Variants in TECPR1 observed in about 807,000 individuals in gnomAD.
TECPR1 encodes the protein tectonin beta-propeller repeat containing 1.
TECPR1 carries 122 observed loss-of-function variants against 162.4 expected under a neutral mutation model. That is an observed-to-expected ratio of 0.75 (90% confidence interval 0.65 to 0.87). TECPR1 has a LOEUF of 0.87. Among genes scored for constraint, TECPR1 ranks in the 40% least tolerant of loss-of-function variants. The pLI is 0.00. For missense variants in TECPR1, 1,432 were observed against 1,618.2 expected, an observed-to-expected ratio of 0.88 and a Z score of 1.97; for synonymous variants, 642 against 670.6, an observed-to-expected ratio of 0.96 and a Z score of 0.66.
At position 98,225,089 on chromosome 7, in the gene TECPR1, C is replaced by G; in HGVS notation, c.2527G>C (p.Asp843His). ...GAGGCATCGCTCCACATGTACCGGT[C>G]CGTGGGCAGACCCCTGCGGCAGGAC... ...TGYTSRGLPTDRYMWSDASGL... is the reference protein window; with the variant it reads ...TGYTSRGLPTHRYMWSDASGL... The change falls in exon 18 of 26, where the codon GAC (aspartate) becomes CAC (histidine). Residue 843 changes from aspartate (D) to histidine (H), a missense_variant. Asp to His is a moderately conservative substitution (Grantham distance 81). Transcript: ENST00000447648. 6.4e-7 allele frequency: 1 copy of G among 1,568,990 alleles called. No individual in the cohort carries two copies. The highest frequency in any genetic ancestry group is 8.6e-7 in the Non-Finnish European group (1 of 1,159,106).
chr7:98,245,779 A>G (rs1391935400), intron 3 of TECPR1, 143 bp downstream of exon 3: 2 of 797,230 alleles, frequency 2.5e-6, no homozygotes, highest in Non-Finnish European at 2.0e-6. Flanking sequence ...TGGCAGCAAC[A>G]CAGATTTTAA....
At position 98,223,663 on chromosome 7, in the gene TECPR1, T is replaced by C. The variant is rs959668330; in HGVS notation, c.2746A>G (p.Arg916Gly). The change falls in exon 20 of 26, where the codon AGA becomes GGA. Residue 916 changes from arginine (R) to glycine (G), a missense_variant and splice_region_variant. Transcript: ENST00000447648. ...KDFVRRRCWARKCKLVTSGPW... is the reference protein window; with the variant it reads ...KDFVRRRCWAGKCKLVTSGPW... ...AGTCACCCTGCAGCCCTGCCTCACC[T>C]GGCCCAGCACCTCCTCCTCACAAAA... The C allele has an allele frequency of 1.2e-6, 2 of 1,613,664 alleles. No homozygotes were observed. The highest frequency in any genetic ancestry group is 1.7e-6 in the Non-Finnish European group (2 of 1,179,758).
At chr7:98,234,738 T>C (rs1171594806) in intron 10 of TECPR1, among the ~76,000 whole-genome samples, 2 of 137,070 alleles carry the variant, frequency 1.5e-5, no homozygotes, top group Non-Finnish European at 3.1e-5. Context: ...TGAGATAGAG[T>C]CTTTCTCTGT....
At chr7:98,218,163 G>GGAGGCAGGAGGGTCCTGGCCCCT in intron 23 of TECPR1, 121 bp from the exon 24 acceptor site, 1 of 746,312 alleles carries the variant, frequency 1.3e-6, no homozygotes, top group East Asian at 2.7e-5. Flanking sequence ...AAGCTGCTGG[G>GGAGGCAGGAGGGTCCTGGCCCCT]GAGGCAGGAG....
chr7:98,233,734 G>T lies in TECPR1; in HGVS notation c.1359C>A (p.Thr453=), dbSNP rs780961006. The change falls in exon 11 of 26, where the codon ACC becomes ACA. Residue 453 remains threonine (T), a synonymous_variant. Coordinates refer to ENST00000447648, the MANE Select transcript of TECPR1 (RefSeq NM_015395.3). Reference sequence around the variant, plus strand: ...AGGCATCTTCCACGGTATCTTCTGCGGTCCTGCCAGCCCCCAGGCCTGAGG... The same window carrying T: ...AGGCATCTTCCACGGTATCTTCTGCTGTCCTGCCAGCCCCCAGGCCTGAGG... The part of the protein sequence containing the change: ...NSASGLGAGR[T]AEDTVEDACP... 2 of 1,612,324 alleles carry T rather than the reference G, an allele frequency of 1.2e-6. No homozygotes were observed. Among genetic ancestry groups the T allele is most frequent in the African/African-American group, 2.7e-5 (2 of 74,854 alleles).
chr7:98,245,678 T>G (rs984668677), intron 3 of TECPR1, among the ~76,000 whole-genome samples: 1 of 152,144 alleles, frequency 6.6e-6, no homozygotes, highest in Non-Finnish European at 1.5e-5. Context: ...TTCACCATGA[T>G]GCCTAGGCTG....
At position 98,228,020 on chromosome 7, in the gene TECPR1, G is replaced by T. The variant is rs764899769; in HGVS notation, c.2507C>A (p.Thr836Asn). Residue 836 changes from threonine to asparagine, a missense_variant, in exon 17 of 26, where the codon ACC becomes AAC. By Grantham distance (65) the Thr-to-Asn change is moderately conservative. Transcript: ENST00000447648. ...GGGCACCTGTGCCACTTACCTGCTGGTGTAGCCTGTGACGGGGTTCCAGCG... is the reference window on the plus strand; with the variant it reads ...GGGCACCTGTGCCACTTACCTGCTGTTGTAGCCTGTGACGGGGTTCCAGCG... ...NQRWNPVTGY[T>N]SRGLPTDRYM... is the part of the protein sequence containing the mutation. The T allele has an allele frequency of 6.2e-7, 1 of 1,611,890 alleles. No individual in the cohort carries two copies. Among genetic ancestry groups the T allele is most frequent in the Admixed American group, 1.7e-5 (1 of 59,778 alleles).
chr7:98,249,042 C>A (rs1033462137), intron 2 of TECPR1, among the ~76,000 whole-genome samples: 1 of 151,986 alleles, frequency 6.6e-6, no homozygotes, highest in African/African-American at 2.4e-5. Context: ...ACCTGCACCA[C>A]CACATCTGGC....
chr7:98,221,298 A>G (rs1011917296), intron 23 of TECPR1, among the ~76,000 whole-genome samples: 6 of 152,228 alleles, frequency 3.9e-5, no homozygotes, highest in Admixed American at 3.3e-4. Context: ...GCGAAACTCC[A>G]TCTCAAAGAA....
In TECPR1 at chr7:98,232,031, G is replaced by C. The variant is rs1309326399; in HGVS notation, c.1819-72C>G. On this transcript the variant is annotated intron_variant, in intron 12 of 25. Coordinates refer to ENST00000447648, the MANE Select transcript of TECPR1 (RefSeq NM_015395.3). This position sits in a 1 kb window ranked among gnomAD's most constrained non-coding sequence, Gnocchi z 4.6. ...GCCAGGGGAGGAGGGCGGGGCTGGG[G>C]GTGCCCAGAGGAGGAGGCAGGGCTG... 3.3e-6 allele frequency: 5 copies of C among 1,502,714 alleles called. No homozygotes were observed. The East Asian group carries it at 1.2e-4, about 37-fold the overall frequency. The allele number at this position is 1,502,714 out of a possible 1,614,324, so 93.1% of individuals were successfully genotyped here. A position where few individuals can be genotyped will look rare whatever the true frequency, so the allele number is the denominator to read the frequency against.
intron 4 of TECPR1, 87 bp downstream of exon 4, chr7:98,244,798 C>A (rs1463796296): frequency 6.3e-7 from 1 of 1,585,692 alleles, no homozygotes; most frequent in African/African-American, 1.3e-5. Context: ...AGCTCAGGCA[C>A]CACAGGGTGC....
At chr7:98,240,617 G>A (rs1798718945) in intron 8 of TECPR1, among the ~76,000 whole-genome samples, 1 of 152,066 alleles carries the variant, frequency 6.6e-6, no homozygotes, top group African/African-American at 2.4e-5. Flanking sequence ...GTTTCACCAT[G>A]TTGGCCAGGC....
chr7:98,231,147 G>A, intron 14 of TECPR1, 29 bp from the exon 15 acceptor site: 4 of 1,604,322 alleles, frequency 2.5e-6, no homozygotes, highest in Admixed American at 1.7e-5. Context: ...GGTCACTGCT[G>A]AGCAGGCCAG....
chr7:98,217,594 C>G (rs905133823), intron 25 of TECPR1, 91 bp from the exon 26 acceptor site: 1 of 1,532,390 alleles, frequency 6.5e-7, no homozygotes, highest in East Asian at 2.5e-5. Flanking sequence ...ACCCAGACAC[C>G]GGGTCCCAGG....
Position 98,241,711 on chromosome 7 carries a change from G to C in TECPR1, c.658-467C>G, listed in dbSNP as rs1200308142. 6.6e-6 allele frequency among the ~76,000 whole-genome samples: 1 copy of C among 152,144 alleles called. No individual in the cohort carries two copies. The highest frequency in any genetic ancestry group is 1.9e-4 in the East Asian group (1 of 5,192). ...TGAACTGTTTGGCTCATTTTAGCTG[G>C]GGGAGACTACATGTCACTTCGTGAT... On this transcript the variant is annotated intron_variant, in intron 6 of 25. Transcript: ENST00000447648. The surrounding 1 kb of genome is among the most constrained non-coding windows in gnomAD (Gnocchi z 5.0).
chr7:98,225,584 C>T (rs1412113248), intron 17 of TECPR1, among the ~76,000 whole-genome samples: 2 of 151,972 alleles, frequency 1.3e-5, no homozygotes, highest in Non-Finnish European at 2.9e-5. Flanking sequence ...TGGACACAGA[C>T]ACATGCATAG....
At chr7:98,224,715 GA>G in intron 19 of TECPR1, 85 bp downstream of exon 19, 1 of 1,315,878 alleles carries the variant, frequency 7.6e-7, no homozygotes, top group Non-Finnish European at 1.1e-6. Flanking sequence ...GTTCAGCCTG[GA>G]AGAGCAGTGA....
intron 16 of TECPR1, 25 bp downstream of exon 16, chr7:98,229,014 C>T (rs781674062): frequency 9.2e-5 from 147 of 1,595,128 alleles, no homozygotes; most frequent in Middle Eastern, 4.1e-4. Flanking sequence ...AGGAAGGCTC[C>T]GGGGGGGCTG....
In TECPR1 at chr7:98,251,434, C is replaced by G. The variant is rs1417063302; in HGVS notation, c.-60G>C. 2.0e-5 allele frequency: 3 copies of G among 152,224 alleles called. No homozygotes were observed. The allele number at this position is 152,224 out of a possible 1,614,324, so 9.4% of individuals were successfully genotyped here. On this transcript the variant is annotated 5_prime_UTR_variant, in exon 2 of 26. Coordinates refer to ENST00000447648, the MANE Select transcript of TECPR1 (RefSeq NM_015395.3). ...GGAGTCCTACCTAAAAGGTTTCTTG[C>G]TTGTTTTTCTATTACACTGTCACTC...
Sources: allele counts gnomAD v4.1 joint callset (sites outside exome capture counted in the v4.1 genomes callset), GRCh38; gene constraint gnomAD v4.1.1; non-coding constraint Gnocchi (gnomAD v3.1); transcripts MANE v1.5; gene names NCBI Gene and HGNC (gene_info 2026-07-23, HGNC 2026-07-21).